SUCLG2: variants seen among roughly 807,000 people sequenced by gnomAD.
SUCLG2 encodes the protein succinate-CoA ligase GDP-forming subunit beta.
In SUCLG2, 42 loss-of-function variants were observed where a neutral mutation model predicts 47.9. The observed-to-expected ratio is 0.88, with a 90% CI of 0.69 to 1.14. The LOEUF is 1.14. Ranked by LOEUF, SUCLG2 falls within the 50% of genes most tolerant of loss-of-function variation. The probability of loss-of-function intolerance (pLI) is 0.00; values close to 1 mark genes in which losing one functional copy is unlikely to be tolerated. For missense variants in SUCLG2, 571 were observed against 525.9 expected (o/e 1.09, Z -0.84); for synonymous variants, 195 against 197.3 (o/e 0.99, Z 0.10).
intron 10 of SUCLG2, among the ~76,000 whole-genome samples, chr3:67,365,800 A>G (rs1701866444): frequency 6.6e-6 from 1 of 152,192 alleles, no homozygotes; most frequent in Non-Finnish European, 1.5e-5. Context: ...TTTTGTGAGA[A>G]TTTCTTAAAT....
intron 2 of SUCLG2, among the ~76,000 whole-genome samples, chr3:67,542,307 C>A (rs1034218240): frequency 2.0e-5 from 3 of 152,166 alleles, no homozygotes; most frequent in African/African-American, 7.2e-5. Flanking sequence ...ACCAGGCCTG[C>A]CTTACAAGAG....
At chr3:67,634,560 T>C (rs1269912245) in intron 1 of SUCLG2, among the ~76,000 whole-genome samples, 1 of 152,204 alleles carries the variant, frequency 6.6e-6, no homozygotes, top group African/African-American at 2.4e-5. Context: ...TCAATATGAA[T>C]GAAAATTTCA....
intron 2 of SUCLG2, among the ~76,000 whole-genome samples, chr3:67,595,459 G>A (rs536693298): frequency 6.6e-6 from 1 of 152,310 alleles, no homozygotes; most frequent in East Asian, 1.9e-4. Context: ...GAGTGCCAGG[G>A]TGGGAGTCTG....
chr3:67,442,052 C>A (rs1019249804), intron 9 of SUCLG2, among the ~76,000 whole-genome samples: 2 of 149,254 alleles, frequency 1.3e-5, no homozygotes, highest in African/African-American at 4.9e-5. Flanking sequence ...GCTCTGTCGC[C>A]CAGGCTGGAG....
chr3:67,376,625 T>C (rs1702039105), intron 10 of SUCLG2: 2 of 531,992 alleles, frequency 3.8e-6, no homozygotes, highest in South Asian at 8.2e-5. Context: ...CCTTGAAATA[T>C]AGGCCTTGGA....
intron 1 of SUCLG2, among the ~76,000 whole-genome samples, chr3:67,613,336 C>T (rs1439846698): frequency 2.0e-5 from 3 of 152,136 alleles, no homozygotes; most frequent in Admixed American, 2.0e-4. Context: ...CTTCAGATAT[C>T]CCAAGGGTCT....
chr3:67,604,535 T>C (rs1358570499), intron 2 of SUCLG2, among the ~76,000 whole-genome samples: 1 of 152,232 alleles, frequency 6.6e-6, no homozygotes, highest in Admixed American at 6.5e-5. Context: ...TCTTGCCTGT[T>C]TCCTTGCTTG....
intron 2 of SUCLG2, among the ~76,000 whole-genome samples, chr3:67,588,219 A>G (rs1559584707): frequency 1.3e-5 from 2 of 152,240 alleles, no homozygotes; most frequent in African/African-American, 2.4e-5. Context: ...ATTATAATAA[A>G]TAAGAACTAA....
intron 9 of SUCLG2, among the ~76,000 whole-genome samples, chr3:67,479,298 A>G (rs1704847464): frequency 6.6e-6 from 1 of 152,124 alleles, no homozygotes; most frequent in Non-Finnish European, 1.5e-5. Context: ...AGTAAAAAAA[A>G]AAAACAACAA....
At chr3:67,472,772 C>G (rs1018402438) in intron 9 of SUCLG2, among the ~76,000 whole-genome samples, 2 of 152,030 alleles carry the variant, frequency 1.3e-5, no homozygotes, top group African/African-American at 4.8e-5. Context: ...GTTAAAAAAA[C>G]AAACATTCAA....
chr3:67,391,929 G>C (rs564067715), intron 10 of SUCLG2, among the ~76,000 whole-genome samples: 1 of 152,164 alleles, frequency 6.6e-6, no homozygotes, highest in Admixed American at 6.5e-5. Context: ...AGATGGACCT[G>C]TTTCCCACCT....
At chr3:67,557,855 ACT>A (rs1707202245) in intron 2 of SUCLG2, among the ~76,000 whole-genome samples, 1 of 152,188 alleles carries the variant, frequency 6.6e-6, no homozygotes. Context: ...CTGAAAAATC[ACT>A]GTCACTGATT....
intron 6 of SUCLG2, among the ~76,000 whole-genome samples, chr3:67,513,179 A>C (rs1280182089): frequency 6.9e-6 from 1 of 145,070 alleles, no homozygotes; most frequent in African/African-American, 2.9e-5. Context: ...ATGTGTCAGA[A>C]TCTTCTTTTA....
chr3:67,493,059 A>G (rs1705241687), intron 9 of SUCLG2, among the ~76,000 whole-genome samples: 1 of 152,208 alleles, frequency 6.6e-6, no homozygotes, highest in African/African-American at 2.4e-5. Flanking sequence ...TAATCCTTAC[A>G]TCTAACAAGA....
chr3:67,497,131 C>G (rs377031324), intron 8 of SUCLG2, among the ~76,000 whole-genome samples: 1 of 152,110 alleles, frequency 6.6e-6, no homozygotes, highest in Non-Finnish European at 1.5e-5. Flanking sequence ...TGTGAGTGAT[C>G]TGGTACATTA....
At chr3:67,621,988 A>G (rs1700744270) in intron 1 of SUCLG2, among the ~76,000 whole-genome samples, 1 of 152,148 alleles carries the variant, frequency 6.6e-6, no homozygotes, top group Admixed American at 6.5e-5. Context: ...CCATTATTTA[A>G]TATCAATCTC....
chr3:67,523,525 T>C (rs1706175817), intron 4 of SUCLG2, among the ~76,000 whole-genome samples: 1 of 152,154 alleles, frequency 6.6e-6, no homozygotes, highest in African/African-American at 2.4e-5. Context: ...GATTGAGGGG[T>C]AGGACAATAT....
intron 9 of SUCLG2, among the ~76,000 whole-genome samples, chr3:67,443,263 G>A (rs12495231): frequency 0.039 from 5,885 of 150,264 alleles, 204 homozygotes; most frequent in South Asian, 0.078. Flanking sequence ...AGGATATTGA[G>A]GAACTAATGA....
intron 1 of SUCLG2, among the ~76,000 whole-genome samples, chr3:67,633,401 A>G (rs1270524139): frequency 2.0e-5 from 3 of 152,210 alleles, no homozygotes; most frequent in African/African-American, 7.2e-5. Context: ...TCAAATACAG[A>G]AAAAGCAAAC....
Sources: allele counts gnomAD v4.1 joint callset (sites outside exome capture counted in the v4.1 genomes callset), GRCh38; gene constraint gnomAD v4.1.1; transcripts MANE v1.5; gene names NCBI Gene and HGNC (gene_info 2026-07-23, HGNC 2026-07-21).